ROBO1: variants seen among roughly 807,000 people sequenced by gnomAD.
ROBO1 encodes roundabout homolog 1.
In ROBO1, 149 loss-of-function variants were observed where a neutral mutation model predicts 195.9. That is an observed-to-expected ratio of 0.76 (90% CI 0.67 to 0.87). The LOEUF (loss-of-function observed/expected upper bound fraction) is 0.87, where lower values mean the gene tolerates loss of function less well. Among genes scored for constraint, ROBO1 ranks in the 40% least tolerant of loss-of-function variants. ROBO1 has a pLI of 0.00. For synonymous variants in ROBO1, 816 were observed against 733.2 expected (o/e 1.11, Z -1.82); for missense variants, 1,933 against 2,068.3 (o/e 0.93, Z 1.27).
At chr3:79,313,595 G>A (rs978320122) in intron 2 of ROBO1, among the ~76,000 whole-genome samples, 10 of 152,136 alleles carry the variant, frequency 6.6e-5, no homozygotes, top group Admixed American at 4.6e-4. Flanking sequence ...TAAACAGAAA[G>A]ATTATATATT....
intron 10 of ROBO1, among the ~76,000 whole-genome samples, chr3:78,673,562 TTATATATATATATATATATATATATATA>T (rs1166250669): frequency 1.8e-3 from 117 of 63,378 alleles, no homozygotes; most frequent in Admixed American, 3.4e-3. Flanking sequence ...TACATATATT[TTATATATATATATATATATATATATATA>T]TATATATATA....
At chr3:78,725,589 A>G (rs1385743102) in intron 5 of ROBO1, among the ~76,000 whole-genome samples, 1 of 152,200 alleles carries the variant, frequency 6.6e-6, no homozygotes, top group African/African-American at 2.4e-5. Context: ...TTTAAGATGT[A>G]GCTTTTCTAC....
At chr3:79,439,708 T>C (rs1029816975) in intron 2 of ROBO1, among the ~76,000 whole-genome samples, 1 of 152,140 alleles carries the variant, frequency 6.6e-6, no homozygotes, top group Non-Finnish European at 1.5e-5. Flanking sequence ...CAATACATCA[T>C]TTTCAGATTT....
intron 10 of ROBO1, among the ~76,000 whole-genome samples, chr3:78,675,248 T>C (rs1043173916): frequency 6.0e-5 from 9 of 150,638 alleles, no homozygotes; most frequent in African/African-American, 2.0e-4. Context: ...ACGCAGAAGA[T>C]GGGTGATTTC....
intron 3 of ROBO1, among the ~76,000 whole-genome samples, chr3:79,087,497 GCTT>G (rs1316259614): frequency 6.6e-6 from 1 of 151,564 alleles, no homozygotes; most frequent in Non-Finnish European, 1.5e-5. Flanking sequence ...TTCTTTTCCA[GCTT>G]CTTTCTCTTC....
rs142251104 is a variant in ROBO1, at chr3:79,550,197, A to AAAGGAAAGGAAAGGAAAGG, written c.88+39626_88+39627insCCTTTCCTTTCCTTTCCTT. Among the ~76,000 whole-genome samples, 5 of 19,330 alleles carry AAAGGAAAGGAAAGGAAAGG rather than the reference A, an allele frequency of 2.6e-4. 1 individual carries two copies. Among genetic ancestry groups the AAAGGAAAGGAAAGGAAAGG allele is most frequent in the South Asian group, 3.3e-3 (2 of 602 alleles). 12.7% of individuals were successfully genotyped at this position (19,330 alleles called of 152,430 possible). Reference sequence around the variant, plus strand: ...AAAGAAAGAAAGAAAGAAAGAAAGGAAAAGAAAAGAAAAGAAAAGAAAAGA... The same window carrying AAAGGAAAGGAAAGGAAAGG: ...AAAGAAAGAAAGAAAGAAAGAAAGGAAAGGAAAGGAAAGGAAAGGAAAGAAAAGAAAAGAAAAGAAAAGA... On this transcript the variant is annotated intron_variant, in intron 2 of 30. Transcript: ENST00000464233.
chr3:79,546,095 C>CT (rs1942253777), intron 2 of ROBO1, among the ~76,000 whole-genome samples: 1 of 151,786 alleles, frequency 6.6e-6, no homozygotes, highest in Admixed American at 6.6e-5. Flanking sequence ...AAATATTTTT[C>CT]TTATAACTTT....
At chr3:79,378,275 A>C (rs1251511938) in intron 2 of ROBO1, among the ~76,000 whole-genome samples, 1 of 151,858 alleles carries the variant, frequency 6.6e-6, no homozygotes, top group East Asian at 1.9e-4. Flanking sequence ...GCCATTCAGA[A>C]CTAACTAGTC....
intron 2 of ROBO1, among the ~76,000 whole-genome samples, chr3:79,416,443 A>G (rs1475154750): frequency 6.6e-6 from 1 of 151,404 alleles, no homozygotes; most frequent in Non-Finnish European, 1.5e-5. Flanking sequence ...ATCTCTAAAA[A>G]AAAAAAAAGA....
intron 15 of ROBO1, 68 bp from the exon 16 acceptor site, chr3:78,661,329 AT>A: frequency 9.9e-7 from 1 of 1,011,514 alleles, no homozygotes; most frequent in South Asian, 2.8e-5. Flanking sequence ...AATAATAAAA[AT>A]TAAACGTTAT....
chr3:79,652,902 A>G (rs1232688403), intron 1 of ROBO1, among the ~76,000 whole-genome samples: 1 of 152,016 alleles, frequency 6.6e-6, no homozygotes, highest in Non-Finnish European at 1.5e-5. Flanking sequence ...CCATAAATAA[A>G]GGAACAGACC....
rs187115998 is a variant in ROBO1 at position 78,629,110 on chromosome 3, G to A, written c.3627-1541C>T. 2.8e-3 allele frequency among the ~76,000 whole-genome samples: 424 copies of A among 151,958 alleles called. 4 individuals carry two copies. The highest frequency in any genetic ancestry group is 9.5e-3 in the African/African-American group (395 of 41,466). On this transcript the variant is annotated intron_variant, in intron 25 of 30. Transcript: ENST00000464233. ...TCTCAGCTTCGTCTCGTTCCCTACC[G>A]TGTGTTTCATGTTAGTTTTCCAGGA...
At chr3:79,237,221 G>A (rs1393351976) in intron 2 of ROBO1, among the ~76,000 whole-genome samples, 5 of 152,208 alleles carry the variant, frequency 3.3e-5, no homozygotes, top group East Asian at 1.9e-4. Context: ...GGTGGCTCAC[G>A]CCTGTAATCC....
At chr3:78,812,101 T>C (rs978269570) in intron 4 of ROBO1, among the ~76,000 whole-genome samples, 7 of 152,154 alleles carry the variant, frequency 4.6e-5, no homozygotes, top group African/African-American at 1.7e-4. Flanking sequence ...CGTTTTGTTA[T>C]GTGGAGGCCA....
intron 2 of ROBO1, among the ~76,000 whole-genome samples, chr3:79,295,697 T>TCATACCCA (rs1019901227): frequency 1.3e-5 from 2 of 152,082 alleles, no homozygotes; most frequent in African/African-American, 2.4e-5. Flanking sequence ...TAAAAAAAAA[T>TCATACCCA]CATACCCATG....
intron 2 of ROBO1, among the ~76,000 whole-genome samples, chr3:79,480,599 T>G (rs1227799007): frequency 2.0e-5 from 3 of 152,154 alleles, no homozygotes; most frequent in African/African-American, 4.8e-5. Context: ...CCAGCAAATA[T>G]ACAAAAGAAT....
intron 1 of ROBO1, among the ~76,000 whole-genome samples, chr3:79,760,261 A>AAAAAAAAAAAAAAAAAC (rs1704622622): frequency 6.8e-6 from 1 of 146,526 alleles, no homozygotes; most frequent in Non-Finnish European, 1.5e-5. Flanking sequence ...AAAAAAAAAA[A>AAAAAAAAAAAAAAAAAC]AAAAAAAAAA....
intron 2 of ROBO1, among the ~76,000 whole-genome samples, chr3:79,366,614 A>G (rs2035986444): frequency 6.6e-6 from 1 of 152,148 alleles, no homozygotes; most frequent in African/African-American, 2.4e-5. Context: ...CGCAACTCCA[A>G]ATAGAATGCC....
intron 10 of ROBO1, among the ~76,000 whole-genome samples, chr3:78,674,606 T>G (rs1158410172): frequency 2.6e-5 from 4 of 152,184 alleles, no homozygotes; most frequent in Non-Finnish European, 4.4e-5. Flanking sequence ...ACATTTAGTG[T>G]TGAACTGGCT....
Sources: allele counts gnomAD v4.1 joint callset (sites outside exome capture counted in the v4.1 genomes callset), GRCh38; gene constraint gnomAD v4.1.1; transcripts MANE v1.5; gene names NCBI Gene and HGNC (gene_info 2026-07-23, HGNC 2026-07-21).